Variants in SRD5A2 observed in about 807,000 individuals in gnomAD.
SRD5A2 encodes the protein steroid 5 alpha-reductase 2, also known as 3-oxo-5-alpha-steroid 4-dehydrogenase 2.
A neutral mutation model predicts 27.4 loss-of-function variants in SRD5A2; 30 were observed. That is an observed-to-expected ratio of 1.10 (90% CI 0.82 to 1.49). The LOEUF is 1.49. SRD5A2 is among the 40% of genes most tolerant of loss of function. The probability of loss-of-function intolerance (pLI) is 0.00; values close to 1 mark genes in which losing one functional copy is unlikely to be tolerated. For synonymous variants in SRD5A2, 141 were observed against 133.6 expected (o/e 1.06, Z -0.38); for missense variants, 348 against 323.4 (o/e 1.08, Z -0.58).
At chr2:31,629,337 C>G in the SRD5A2 span, among the ~76,000 whole-genome samples, 5 of 152,302 alleles carry the variant, frequency 3.3e-5, no homozygotes, top group East Asian at 1.9e-4. Flanking sequence ...AGCGGCCCAC[C>G]ACCATCTTGG....
At chr2:31,600,544 T>C in the SRD5A2 span, among the ~76,000 whole-genome samples, 2 of 152,014 alleles carry the variant, frequency 1.3e-5, no homozygotes, top group African/African-American at 2.4e-5. Flanking sequence ...TGGTGTGAGA[T>C]GGTATCTCGT....
At chr2:31,627,783 T>A in the SRD5A2 span, among the ~76,000 whole-genome samples, 1 of 152,160 alleles carries the variant, frequency 6.6e-6, no homozygotes. Flanking sequence ...TGGTTTTGAG[T>A]GATTTTCTTA....
intron 1 of SRD5A2, among the ~76,000 whole-genome samples, chr2:31,554,969 A>ATG (rs147090962): frequency 2.6e-4 from 26 of 99,066 alleles, no homozygotes; most frequent in Admixed American, 7.0e-4. Flanking sequence ...GTGTGTGTGT[A>ATG]TGTGTGTGTG....
chr2:31,627,214 T>C, the SRD5A2 span, among the ~76,000 whole-genome samples: 1 of 152,150 alleles, frequency 6.6e-6, no homozygotes, highest in African/African-American at 2.4e-5. Context: ...ATCCTCTTTA[T>C]GTACCCATTT....
the SRD5A2 span, among the ~76,000 whole-genome samples, chr2:31,615,313 C>T: frequency 6.6e-6 from 1 of 152,090 alleles, no homozygotes; most frequent in Admixed American, 6.6e-5. Context: ...TTTGAAACTT[C>T]CTAGAGACTT....
intron 1 of SRD5A2, among the ~76,000 whole-genome samples, chr2:31,564,905 T>C (rs1666698299): frequency 6.6e-6 from 1 of 151,912 alleles, no homozygotes; most frequent in Admixed American, 6.6e-5. Context: ...CCCTCAAAAA[T>C]GAAAAGCATC....
chr2:31,625,649 T>C, the SRD5A2 span, among the ~76,000 whole-genome samples: 12 of 152,316 alleles, frequency 7.9e-5, no homozygotes, highest in African/African-American at 2.9e-4. Context: ...TTTGTCAGGT[T>C]TGTCAAAGAT....
At chr2:31,544,080 G>T (rs367892852) in intron 1 of SRD5A2, among the ~76,000 whole-genome samples, 2 of 151,810 alleles carry the variant, frequency 1.3e-5, no homozygotes, top group African/African-American at 4.8e-5. Context: ...TTTTAAAAAT[G>T]GTTACAAGAA....
the SRD5A2 span, among the ~76,000 whole-genome samples, chr2:31,595,231 G>A: frequency 1.3e-4 from 19 of 152,000 alleles, no homozygotes; most frequent in Admixed American, 5.2e-4. Flanking sequence ...AAAACTGAAA[G>A]AAAAAATCAA....
chr2:31,540,507 T>C (rs1163369291), intron 1 of SRD5A2, among the ~76,000 whole-genome samples: 1 of 152,124 alleles, frequency 6.6e-6, no homozygotes, highest in East Asian at 1.9e-4. Flanking sequence ...GGGGAAAAGA[T>C]GTATCATAAA....
At chr2:31,620,310 C>T in the SRD5A2 span, among the ~76,000 whole-genome samples, 1 of 152,008 alleles carries the variant, frequency 6.6e-6, no homozygotes, top group African/African-American at 2.4e-5. Context: ...CATTCCTATT[C>T]AGCATAGTAT....
chr2:31,635,371 C>A, the SRD5A2 span, among the ~76,000 whole-genome samples: 1 of 152,064 alleles, frequency 6.6e-6, no homozygotes, highest in Non-Finnish European at 1.5e-5. Context: ...CTATTCAGAT[C>A]TTTTTCCCTT....
the SRD5A2 span, among the ~76,000 whole-genome samples, chr2:31,611,564 A>G: frequency 3.2e-4 from 48 of 152,362 alleles, no homozygotes; most frequent in East Asian, 8.9e-3. Context: ...AAAATAAGAG[A>G]TACAAAACAC....
chr2:31,531,122 C>T (rs1200257283), intron 3 of SRD5A2, among the ~76,000 whole-genome samples: 1 of 152,228 alleles, frequency 6.6e-6, no homozygotes, highest in East Asian at 1.9e-4. Context: ...CTCCCACTCT[C>T]TCCCACCTTC....
At chr2:31,552,769 G>A (rs1359201518) in intron 1 of SRD5A2, among the ~76,000 whole-genome samples, 2 of 152,274 alleles carry the variant, frequency 1.3e-5, no homozygotes, top group South Asian at 4.2e-4. Flanking sequence ...TGGGCTAATT[G>A]ATGAAGGTCT....
chr2:31,627,306 C>T, the SRD5A2 span, among the ~76,000 whole-genome samples: 2 of 151,820 alleles, frequency 1.3e-5, no homozygotes, highest in Non-Finnish European at 1.5e-5. Context: ...GGTTCAGTGG[C>T]AATGTCCCCT....
chr2:31,581,450 G>C (rs777125147), upstream of SRD5A2, among the ~76,000 whole-genome samples: 25 of 152,260 alleles, frequency 1.6e-4, no homozygotes, highest in Admixed American at 5.9e-4. Flanking sequence ...GGCTCTCTGA[G>C]CGTCTGCCAG....
the SRD5A2 span, among the ~76,000 whole-genome samples, chr2:31,594,638 T>C: frequency 1.3e-5 from 2 of 152,100 alleles, no homozygotes; most frequent in East Asian, 1.9e-4. Flanking sequence ...CTGACAGCAT[T>C]AGACAAGTCA....
upstream of SRD5A2, among the ~76,000 whole-genome samples, chr2:31,583,652 C>CAAAAAAAAAAGAAAAAAAAAAAA (rs1352139998): frequency 3.3e-4 from 7 of 20,922 alleles, no homozygotes; most frequent in Admixed American, 6.0e-4. Flanking sequence ...AAAAAAAAAC[C>CAAAAAAAAAAGAAAAAAAAAAAA]AAAAAAAAAG....
Sources: allele counts gnomAD v4.1 joint callset (sites outside exome capture counted in the v4.1 genomes callset), GRCh38; gene constraint gnomAD v4.1.1; transcripts MANE v1.5; gene names NCBI Gene and HGNC (gene_info 2026-07-23, HGNC 2026-07-21).